The following EYS variants were observed in gnomAD, a reference collection of about 807,000 sequenced individuals.
EYS encodes protein eyes shut homolog.
EYS carries 250 observed loss-of-function variants against 282.1 expected under a neutral mutation model. The observed-to-expected ratio is 0.89, with a 90% confidence interval of 0.80 to 0.98. The LOEUF is 0.98. Ranked by LOEUF, EYS falls within the 50% of genes least tolerant of loss-of-function variation. The pLI, the probability that EYS is intolerant of heterozygous loss-of-function variation, is 0.00. For synonymous variants in EYS, 1,355 were observed against 1,282.9 expected, an observed-to-expected ratio of 1.06 and a Z score of -1.20; for missense variants, 4,016 against 3,709.0, an observed-to-expected ratio of 1.08 and a Z score of -2.15.
intron 29 of EYS, among the ~76,000 whole-genome samples, chr6:64,332,483 G>C (rs1369218537): frequency 6.6e-6 from 1 of 152,104 alleles, no homozygotes; most frequent in East Asian, 1.9e-4. Flanking sequence ...TTATCGGATG[G>C]TCCCCATATT....
chr6:65,226,755 G>T (rs1766636776), intron 12 of EYS, among the ~76,000 whole-genome samples: 3 of 152,150 alleles, frequency 2.0e-5, no homozygotes, highest in East Asian at 1.9e-4. Flanking sequence ...TATGACCCAA[G>T]AATTTTATTC....
intron 2 of EYS, among the ~76,000 whole-genome samples, chr6:65,510,874 G>A (rs890012975): frequency 6.6e-6 from 1 of 152,058 alleles, no homozygotes; most frequent in Admixed American, 6.6e-5. Context: ...TATTCCATTG[G>A]TAAATATGGT....
chr6:64,781,576 C>CA (rs5876923), intron 22 of EYS, among the ~76,000 whole-genome samples: 3,349 of 87,488 alleles, frequency 0.038, 179 homozygotes, highest in African/African-American at 0.14. Context: ...GACTCCGTCT[C>CA]AAAAAAAAAA....
At chr6:65,073,893 A>G (rs1773971017) in intron 12 of EYS, among the ~76,000 whole-genome samples, 2 of 151,976 alleles carry the variant, frequency 1.3e-5, no homozygotes, top group African/African-American at 4.8e-5. Flanking sequence ...TGCCACCTAG[A>G]AATGAACACT....
At chr6:64,672,683 C>T (rs1240597634) in intron 22 of EYS, among the ~76,000 whole-genome samples, 1 of 152,082 alleles carries the variant, frequency 6.6e-6, no homozygotes, top group African/African-American at 2.4e-5. Flanking sequence ...AAATCGTTTC[C>T]TGAAGCTTAT....
At chr6:64,340,349 C>G (rs549584037) in intron 29 of EYS, among the ~76,000 whole-genome samples, 53 of 151,876 alleles carry the variant, frequency 3.5e-4, no homozygotes, top group African/African-American at 1.2e-3. Flanking sequence ...AACAAAATAG[C>G]ATGACACTAG....
At chr6:65,277,536 A>G (rs1768083361) in intron 12 of EYS, among the ~76,000 whole-genome samples, 1 of 152,256 alleles carries the variant, frequency 6.6e-6, no homozygotes, top group South Asian at 2.1e-4. Flanking sequence ...ATTCCGGGAA[A>G]GAACCCTTAC....
chr6:64,887,177 A>G (rs899955202), intron 18 of EYS, among the ~76,000 whole-genome samples: 5 of 150,986 alleles, frequency 3.3e-5, no homozygotes, highest in African/African-American at 1.2e-4. Flanking sequence ...AACTATCACA[A>G]GGACAAAAAA....
At chr6:64,095,691 G>A (rs1156359815) in intron 31 of EYS, among the ~76,000 whole-genome samples, 1 of 152,136 alleles carries the variant, frequency 6.6e-6, no homozygotes, top group East Asian at 1.9e-4. Context: ...ACACTGATGG[G>A]TCTTGACTCT....
intron 5 of EYS, among the ~76,000 whole-genome samples, chr6:65,487,747 T>C (rs879124049): frequency 6.6e-6 from 1 of 152,158 alleles, no homozygotes; most frequent in Non-Finnish European, 1.5e-5. Context: ...TCAGAAGGAA[T>C]GGTACCAGCT....
chr6:64,833,115 T>A (rs1323380762), intron 19 of EYS, among the ~76,000 whole-genome samples: 1 of 151,926 alleles, frequency 6.6e-6, no homozygotes, highest in African/African-American at 2.4e-5. Context: ...TGTTTCTGAT[T>A]ATGCATACCT....
intron 29 of EYS, among the ~76,000 whole-genome samples, chr6:64,367,505 G>C (rs1772218338): frequency 6.6e-6 from 1 of 151,930 alleles, no homozygotes; most frequent in South Asian, 2.1e-4. Context: ...GAAAGAGAGG[G>C]AGGATGGAAC....
chr6:64,667,380 T>C (rs907093331), intron 22 of EYS, among the ~76,000 whole-genome samples: 5 of 152,058 alleles, frequency 3.3e-5, no homozygotes, highest in South Asian at 2.1e-4. Flanking sequence ...AGAGAGCAGA[T>C]GCCCCAGTGC....
intron 7 of EYS, among the ~76,000 whole-genome samples, chr6:65,397,482 C>T (rs1433692679): frequency 2.0e-5 from 3 of 151,868 alleles, no homozygotes. Flanking sequence ...TTTTTACTTT[C>T]TGGTTCCGAG....
intron 28 of EYS, among the ~76,000 whole-genome samples, chr6:64,397,363 C>T (rs1465967040): frequency 6.6e-6 from 1 of 152,026 alleles, no homozygotes; most frequent in Non-Finnish European, 1.5e-5. Context: ...TTGTGTTACA[C>T]TGATGTTATA....
intron 34 of EYS, among the ~76,000 whole-genome samples, chr6:63,987,538 A>G (rs1767424762): frequency 6.6e-6 from 1 of 151,716 alleles, no homozygotes; most frequent in Non-Finnish European, 1.5e-5. Flanking sequence ...CTCTGTAAGA[A>G]TTTATGAGCT....
chr6:65,171,230 A>G (rs1382443648), intron 12 of EYS, among the ~76,000 whole-genome samples: 2 of 151,602 alleles, frequency 1.3e-5, no homozygotes, highest in Non-Finnish European at 3.0e-5. Context: ...TTTCCTAATT[A>G]TTGGGTCTTA....
chr6:65,340,746 T>C (rs1333406791), intron 10 of EYS, among the ~76,000 whole-genome samples: 1 of 151,270 alleles, frequency 6.6e-6, no homozygotes, highest in Non-Finnish European at 1.5e-5. Context: ...TAAGGTGTTG[T>C]TTTCCCTTAT....
intron 33 of EYS, among the ~76,000 whole-genome samples, chr6:64,034,814 C>A (rs12110874): frequency 0.037 from 5,574 of 151,920 alleles, 334 homozygotes; most frequent in African/African-American, 0.13. Flanking sequence ...TAATGACAAG[C>A]AACACGAGGC....
Sources: allele counts gnomAD v4.1 joint callset (sites outside exome capture counted in the v4.1 genomes callset), GRCh38; gene constraint gnomAD v4.1.1; transcripts MANE v1.5; gene names NCBI Gene and HGNC (gene_info 2026-07-23, HGNC 2026-07-21).